The following AASDH variants were observed in gnomAD, a reference collection of about 807,000 sequenced individuals.
AASDH encodes beta-alanine-activating enzyme.
Under a neutral mutation model 102.3 loss-of-function variants are expected in AASDH, and 81 were observed. The ratio of observed to expected loss-of-function variants is 0.79; its 90% CI spans 0.66 to 0.95. AASDH has a LOEUF of 0.95. Among genes scored for constraint, AASDH ranks in the 40% least tolerant of loss-of-function variants. The pLI is 0.00. For missense variants in AASDH, 1,203 were observed against 1,266.2 expected, an observed-to-expected ratio of 0.95 and a Z score of 0.76; for synonymous variants, 398 against 454.0, an observed-to-expected ratio of 0.88 and a Z score of 1.57.
intron 3 of AASDH, 108 bp from the exon 4 acceptor site, chr4:56,378,572 T>G: frequency 9.8e-7 from 1 of 1,018,456 alleles, no homozygotes; most frequent in African/African-American, 1.6e-5. Flanking sequence ...CTTGGGGGAA[T>G]TGGTTCTAGG....
chr4:56,357,174 T>A (rs919816724), intron 5 of AASDH, among the ~76,000 whole-genome samples: 2 of 152,202 alleles, frequency 1.3e-5, no homozygotes. Flanking sequence ...TGGCTTACTA[T>A]AACCAAAATA....
intron 1 of AASDH, among the ~76,000 whole-genome samples, chr4:56,384,604 G>A (rs947975046): frequency 6.6e-6 from 1 of 151,592 alleles, no homozygotes; most frequent in Non-Finnish European, 1.5e-5. Context: ...AAATGAAGCA[G>A]GTAAAAATGG....
Position 56,384,165 on chromosome 4 carries a change from T to A in AASDH, c.135A>T (p.Leu45Phe), listed in dbSNP as rs1370743028. Reference sequence around the variant, plus strand: ...CACAGTGTAACAGCAGAAAATTTGATAATTCAGAAGCAGCATTAACCACAG... The same window carrying A: ...CACAGTGTAACAGCAGAAAATTTGAAAATTCAGAAGCAGCATTAACCACAG... ...YKTVVNAASE[L>F]SNFLLLHCDF... Residue 45 changes from leucine to phenylalanine, a missense_variant, in exon 2 of 15, where the codon TTA (leucine) becomes TTT (phenylalanine). Transcript: ENST00000205214. 2 of 1,614,182 alleles carry A rather than the reference T, an allele frequency of 1.2e-6. No individual in the cohort carries two copies. Among genetic ancestry groups the A allele is most frequent in the Non-Finnish European group, 1.7e-6 (2 of 1,180,034 alleles).
At chr4:56,368,463 G>T (rs368508752) in intron 5 of AASDH, among the ~76,000 whole-genome samples, 115 of 151,336 alleles carry the variant, frequency 7.6e-4, no homozygotes, top group Non-Finnish European at 2.5e-4. Context: ...AGACTTGGAA[G>T]CAACCCAAAT....
At chr4:56,387,055 A>G (rs1454651189) in intron 1 of AASDH, among the ~76,000 whole-genome samples, 1 of 152,290 alleles carries the variant, frequency 6.6e-6, no homozygotes, top group East Asian at 1.9e-4. Flanking sequence ...GCAACGAGTA[A>G]CAATGCAATT....
rs1178778636 is a variant in AASDH, at chr4:56,338,300, A to G, written c.*102T>C. 7.5e-7 allele frequency: 1 copy of G among 1,328,344 alleles called. No individual in the cohort carries two copies. The highest frequency in any genetic ancestry group is 1.5e-5 in the African/African-American group (1 of 64,680). The allele number at this position is 1,328,344 out of a possible 1,614,324, so 82.3% of individuals were successfully genotyped here. A position where few individuals can be genotyped will look rare whatever the true frequency, so the allele number is the denominator to read the frequency against. On this transcript the variant is annotated 3_prime_UTR_variant, in exon 15 of 15. Transcript: ENST00000205214. ...GTAGACAAGTTTCCGTTTCTTAGCC[A>G]AAATATAATCTTCTTTAATATAAAA...
chr4:56,353,494 A>G lies in AASDH; in HGVS notation c.1486T>C (p.Tyr496His). The change falls in exon 9 of 15, where the codon TAC becomes CAC. Residue 496 changes from tyrosine to histidine, a missense_variant. Tyr to His is a moderately conservative substitution (Grantham distance 83, BLOSUM62 2). Transcript: ENST00000205214. ...MVSKDASVKE[Y>H]IFKELQKYLP... ...TATTTCTGCAGTTCTTTAAAGATGTATTCTTTTACTGAAGCATCTTTAGAC... is the reference window on the plus strand; with the variant it reads ...TATTTCTGCAGTTCTTTAAAGATGTGTTCTTTTACTGAAGCATCTTTAGAC... The G allele has an allele frequency of 1.2e-6, 2 of 1,613,770 alleles. No individual in the cohort carries two copies. The highest frequency in any genetic ancestry group is 1.7e-6 in the Non-Finnish European group (2 of 1,179,844).
At chr4:56,360,234 G>T (rs145547551) in intron 5 of AASDH, among the ~76,000 whole-genome samples, 125 of 152,262 alleles carry the variant, frequency 8.2e-4, no homozygotes, top group African/African-American at 3.0e-3. Context: ...AGTTGCATCA[G>T]TCCTTTGGTC....
rs116103004 is a variant in AASDH, at chr4:56,382,335, A to C, written c.351+142T>G. 1.4e-3 allele frequency: 1,147 copies of C among 800,564 alleles called. 1 individual carries two copies. Among genetic ancestry groups the C allele is most frequent in the Non-Finnish European group, 1.3e-3 (674 of 522,190 alleles). The allele number at this position is 800,564 out of a possible 1,614,324, so 49.6% of individuals were successfully genotyped here. ...GGAACACTCCTCACAACAATTACTC[A>C]ACCCTAAAAATGTCATAGTGCAAAG... On this transcript the variant is annotated intron_variant, in intron 3 of 14. Coordinates refer to ENST00000205214, the MANE Select transcript of AASDH (RefSeq NM_181806.4).
chr4:56,341,273 G>A (rs1747643010), intron 14 of AASDH, among the ~76,000 whole-genome samples: 1 of 151,952 alleles, frequency 6.6e-6, no homozygotes, highest in South Asian at 2.1e-4. Flanking sequence ...GTCCACCAAT[G>A]GATGAGTGGA....
intron 5 of AASDH, among the ~76,000 whole-genome samples, chr4:56,360,753 C>T (rs115763326): frequency 0.011 from 1,668 of 152,236 alleles, 19 homozygotes; most frequent in African/African-American, 0.037. Context: ...AAAATCCATA[C>T]GGAGTTGTAA....
intron 2 of AASDH, 94 bp downstream of exon 2, chr4:56,383,976 C>A: frequency 9.3e-7 from 1 of 1,072,956 alleles, no homozygotes; most frequent in South Asian, 1.5e-5. Flanking sequence ...TAGAAAAGTC[C>A]AATAGTAAAC....
At chr4:56,353,331 T>A in intron 9 of AASDH, 73 bp downstream of exon 9, 1 of 1,217,958 alleles carries the variant, frequency 8.2e-7, no homozygotes, top group Non-Finnish European at 1.1e-6. Flanking sequence ...AAGATTTATG[T>A]TATCATTAAG....
At chr4:56,375,213 G>A (rs1752207025) in intron 4 of AASDH, among the ~76,000 whole-genome samples, 1 of 151,982 alleles carries the variant, frequency 6.6e-6, no homozygotes, top group Admixed American at 6.6e-5. Context: ...TTTGGCCACT[G>A]GAGTAGCTAA....
At position 56,345,010 on chromosome 4, in the gene AASDH, T is replaced by TGGCTC. The variant is rs906981529; in HGVS notation, c.2652+112_2652+116dup. ...AGGGTGGAATACACTGTCACAATCT[T>TGGCTC]GGCTCACTGCAACCTCCACCTCCCA... On this transcript the variant is annotated intron_variant, in intron 12 of 14. Transcript: ENST00000205214. 4.7e-5 allele frequency: 47 copies of TGGCTC among 1,010,572 alleles called. 1 individual carries two copies. The highest frequency in any genetic ancestry group is 6.4e-5 in the Non-Finnish European group (45 of 701,048). 62.6% of individuals were successfully genotyped at this position (1,010,572 alleles called of 1,614,324 possible). A position where few individuals can be genotyped will look rare whatever the true frequency, so the allele number is the denominator to read the frequency against.
In AASDH at chr4:56,349,451, A is replaced by G. The variant is rs1361533889; in HGVS notation, c.2300T>C (p.Val767Ala). The G allele has an allele frequency of 2.5e-6, 4 of 1,614,206 alleles. No homozygotes were observed. Among genetic ancestry groups the G allele is most frequent in the Non-Finnish European group, 3.4e-6 (4 of 1,180,036 alleles). The change falls in exon 11 of 15, where the codon GTA (valine) becomes GCA (alanine). Residue 767 changes from valine (V) to alanine (A), a missense_variant. Transcript: ENST00000205214. Reference sequence around the variant, plus strand: ...TATTACAACCAGCGGTGAAGCATCTACACATTTGCCTGTGTCTGACCTCCA... The same window carrying G: ...TATTACAACCAGCGGTGAAGCATCTGCACATTTGCCTGTGTCTGACCTCCA... ...VRWRSDTGKC[V>A]DASPLVVIPT...
intron 3 of AASDH, chr4:56,381,649 T>TCTCTCTCACACACACACACACA (rs3223650): frequency 2.8e-5 from 4 of 142,304 alleles, no homozygotes; most frequent in African/African-American, 8.0e-5. Context: ...TTGACACTTC[T>TCTCTCTCACACACACACACACA]CACACACACA....
chr4:56,357,779 A>G (rs1400217261), intron 5 of AASDH, among the ~76,000 whole-genome samples: 1 of 151,824 alleles, frequency 6.6e-6, no homozygotes, highest in Non-Finnish European at 1.5e-5. Flanking sequence ...GTGTATCAAC[A>G]GTTTCATTCC....
intron 2 of AASDH, among the ~76,000 whole-genome samples, chr4:56,382,823 A>G (rs1381922286): frequency 2.6e-5 from 4 of 152,276 alleles, no homozygotes; most frequent in Admixed American, 1.3e-4. Context: ...TAATCCCAGC[A>G]CTTTGGGAGG....
Sources: allele counts gnomAD v4.1 joint callset (sites outside exome capture counted in the v4.1 genomes callset), GRCh38; gene constraint gnomAD v4.1.1; transcripts MANE v1.5; gene names NCBI Gene and HGNC (gene_info 2026-07-23, HGNC 2026-07-21).